Variants in AKT3 observed in about 807,000 individuals in gnomAD.
AKT3 encodes RAC-gamma serine/threonine-protein kinase.
Under a neutral mutation model 65.3 loss-of-function variants are expected in AKT3, and 15 were observed. The ratio of observed to expected loss-of-function variants is 0.23; its 90% CI spans 0.15 to 0.35. The LOEUF (loss-of-function observed/expected upper bound fraction) is 0.35. Ranked by LOEUF, AKT3 falls within the 10% of genes least tolerant of loss-of-function variation. AKT3 has a pLI of 1.00. For missense variants in AKT3, 243 were observed against 576.5 expected (o/e 0.42, Z 5.92); for synonymous variants, 206 against 183.8 (o/e 1.12, Z -0.98).
chr1:243,683,567 T>A (rs890495270), intron 3 of AKT3, among the ~76,000 whole-genome samples: 1 of 152,100 alleles, frequency 6.6e-6, no homozygotes, highest in Non-Finnish European at 1.5e-5. Flanking sequence ...AATTGAGTGA[T>A]ACTAATTATA....
At chr1:243,783,357 T>C (rs1691032755) in intron 2 of AKT3, among the ~76,000 whole-genome samples, 1 of 152,240 alleles carries the variant, frequency 6.6e-6, no homozygotes, top group African/African-American at 2.4e-5. Context: ...CCATGGGGCT[T>C]GAAGAACTTC....
At chr1:243,641,290 GCACA>G (rs1194715682) in intron 5 of AKT3, among the ~76,000 whole-genome samples, 37 of 132,734 alleles carry the variant, frequency 2.8e-4, no homozygotes, top group Non-Finnish European at 5.2e-4. Context: ...ACACACACAC[GCACA>G]CACACACACA....
intron 2 of AKT3, among the ~76,000 whole-genome samples, chr1:243,750,770 C>G (rs1215166292): frequency 2.7e-4 from 41 of 151,800 alleles, no homozygotes; most frequent in Admixed American, 2.7e-3. Context: ...TTAGTAGAGA[C>G]GGAGTTTCAC....
At chr1:243,576,743 A>G (rs1674970158) in intron 8 of AKT3, among the ~76,000 whole-genome samples, 1 of 152,248 alleles carries the variant, frequency 6.6e-6, no homozygotes, top group Non-Finnish European at 1.5e-5. Context: ...GACAAATGGG[A>G]AAACATTCCA....
intron 12 of AKT3, among the ~76,000 whole-genome samples, chr1:243,527,930 CACACACAGAGAG>C (rs1287002945): frequency 5.2e-4 from 21 of 40,452 alleles, no homozygotes; most frequent in African/African-American, 1.0e-3. Context: ...CACACACACA[CACACACAGAGAG>C]AGAGAGAGAG....
At chr1:243,682,019 T>A (rs1006715452) in intron 3 of AKT3, among the ~76,000 whole-genome samples, 1 of 152,032 alleles carries the variant, frequency 6.6e-6, no homozygotes, top group African/African-American at 2.4e-5. Flanking sequence ...GGGCAAACAA[T>A]CATCTTTCTA....
intron 2 of AKT3, chr1:243,702,766 A>C (rs1384881077): frequency 2.6e-5 from 4 of 152,190 alleles, no homozygotes; most frequent in Non-Finnish European, 4.4e-5. Context: ...ATCTAAACAC[A>C]GTATTAATTT....
intron 2 of AKT3, among the ~76,000 whole-genome samples, chr1:243,718,569 C>A (rs1202873598): frequency 6.6e-6 from 1 of 152,038 alleles, no homozygotes; most frequent in Non-Finnish European, 1.5e-5. Flanking sequence ...CCTGCCTCAG[C>A]CTCCCGAGGC....
chr1:243,575,577 T>C (rs1410200404), intron 8 of AKT3, among the ~76,000 whole-genome samples: 2 of 152,170 alleles, frequency 1.3e-5, no homozygotes, highest in Admixed American at 6.5e-5. Context: ...GACACAGGTA[T>C]TGATTTTTAA....
At chr1:243,758,262 T>C (rs1282414535) in intron 2 of AKT3, among the ~76,000 whole-genome samples, 1 of 151,750 alleles carries the variant, frequency 6.6e-6, no homozygotes, top group Non-Finnish European at 1.5e-5. Context: ...AGGAGAAAAA[T>C]ATAGCAAAGG....
At chr1:243,816,691 G>C (rs933629596) in intron 2 of AKT3, among the ~76,000 whole-genome samples, 1 of 151,900 alleles carries the variant, frequency 6.6e-6, no homozygotes, top group African/African-American at 2.4e-5. Context: ...TTTCTATCAA[G>C]AGAATAGAAA....
At position 243,515,765 on chromosome 1, in the gene AKT3, C is replaced by G. The variant is rs764533040; in HGVS notation, c.1252-3339G>C. Among the ~76,000 whole-genome samples the G allele has an allele frequency of 3.3e-5, 5 of 152,258 alleles. No homozygotes were observed. In the South Asian group the frequency reaches 1.0e-3, roughly 32 times the overall value. On this transcript the variant is annotated intron_variant, in intron 12 of 13. Coordinates refer to ENST00000673466, the MANE Select transcript of AKT3 (RefSeq NM_005465.7). Reference sequence around the variant, plus strand: ...CAGCACTTTGGGAGGCCGAGGCAGGCAGATCACCAGGTCAGGAGATCAAGA... The same window carrying G: ...CAGCACTTTGGGAGGCCGAGGCAGGGAGATCACCAGGTCAGGAGATCAAGA...
At chr1:243,549,937 T>C (rs1412840872) in intron 11 of AKT3, among the ~76,000 whole-genome samples, 1 of 152,218 alleles carries the variant, frequency 6.6e-6, no homozygotes, top group African/African-American at 2.4e-5. Flanking sequence ...ATCAGCTTCA[T>C]TTCCCAGTGT....
intron 11 of AKT3, chr1:243,546,867 C>T (rs372224219): frequency 3.3e-5 from 5 of 152,134 alleles, no homozygotes; most frequent in East Asian, 1.9e-4. Flanking sequence ...ATGAAACTTA[C>T]GATTAGTTCC....
At chr1:243,493,634 G>A (rs1667110441) in intron 13 of AKT3, among the ~76,000 whole-genome samples, 1 of 152,034 alleles carries the variant, frequency 6.6e-6, no homozygotes, top group South Asian at 2.1e-4. Context: ...TTAGAAAACA[G>A]AGTCGGAAAC....
chr1:243,752,763 C>T (rs79881548), intron 2 of AKT3, among the ~76,000 whole-genome samples: 5 of 152,250 alleles, frequency 3.3e-5, no homozygotes, highest in African/African-American at 7.2e-5. Flanking sequence ...ATAGTTAACT[C>T]TGAGGATGCT....
chr1:243,833,751 T>TA lies in AKT3; in HGVS notation c.46+9373dup, dbSNP rs201000809. 8.3e-3 allele frequency among the ~76,000 whole-genome samples: 1,255 copies of TA among 151,696 alleles called. 15 individuals are homozygous for TA. Among genetic ancestry groups the TA allele is most frequent in the African/African-American group, 0.029 (1,206 of 41,352 alleles). ...TCAAATTAGAATCCTATATACAATT[T>TA]AAAAAATCCTTCAAAAATGAAGATG... On this transcript the variant is annotated intron_variant, in intron 2 of 13. Transcript: ENST00000673466.
At chr1:243,494,711 T>C (rs1667379937) in intron 13 of AKT3, among the ~76,000 whole-genome samples, 1 of 152,262 alleles carries the variant, frequency 6.6e-6, no homozygotes, top group Admixed American at 6.5e-5. Flanking sequence ...GAATTTTATA[T>C]TCCTTCAGAT....
At chr1:243,515,745 C>T (rs1475046969) in intron 12 of AKT3, among the ~76,000 whole-genome samples, 1 of 152,162 alleles carries the variant, frequency 6.6e-6, no homozygotes, top group East Asian at 1.9e-4. Flanking sequence ...AATCCCAGCA[C>T]TTTGGGAGGC....
Sources: allele counts gnomAD v4.1 joint callset (sites outside exome capture counted in the v4.1 genomes callset), GRCh38; gene constraint gnomAD v4.1.1; transcripts MANE v1.5; gene names NCBI Gene and HGNC (gene_info 2026-07-23, HGNC 2026-07-21).